The following GRM1 variants were observed in gnomAD, a reference collection of about 807,000 sequenced individuals.
GRM1 encodes the protein glutamate metabotropic receptor 1.
Under a neutral mutation model 90.9 loss-of-function variants are expected in GRM1, and 33 were observed. That is an observed-to-expected ratio of 0.36 (90% CI 0.28 to 0.49). The LOEUF (loss-of-function observed/expected upper bound fraction) is 0.49. Ranked by LOEUF, GRM1 falls within the 20% of genes least tolerant of loss-of-function variation. GRM1 has a pLI of 0.99. For missense variants in GRM1, 1,190 were observed against 1,534.3 expected (o/e 0.78, Z 3.75); for synonymous variants, 700 against 613.2 (o/e 1.14, Z -2.09).
intron 5 of GRM1, among the ~76,000 whole-genome samples, chr6:146,375,618 G>A (rs1018459027): frequency 3.9e-5 from 6 of 151,910 alleles, no homozygotes; most frequent in Admixed American, 3.9e-4. Context: ...ATATTCTCCA[G>A]TTGAATTGAC....
At position 146,266,187 on chromosome 6, in the gene GRM1, T is replaced by TA. The variant is rs561140300; in HGVS notation, c.951-38414dup. On this transcript the variant is annotated intron_variant, in intron 2 of 7. Transcript: ENST00000282753. ...CTGGTGACAGAACAAGACTCTGTCT[T>TA]AAAAAAAAAATACATATTAGAGAGT... is the stretch of plus-strand genomic sequence containing the variant. Among the ~76,000 whole-genome samples, 924 of 149,168 alleles carry TA rather than the reference T, an allele frequency of 6.2e-3. 10 individuals carry two copies. Among genetic ancestry groups the TA allele is most frequent in the African/African-American group, 0.017 (712 of 40,692 alleles).
chr6:146,320,494 A>T (rs1242146175), intron 3 of GRM1, among the ~76,000 whole-genome samples: 1 of 152,118 alleles, frequency 6.6e-6, no homozygotes, highest in Non-Finnish European at 1.5e-5. Context: ...TGAGTTAGGG[A>T]GGAGTCCCTC....
intron 2 of GRM1, among the ~76,000 whole-genome samples, chr6:146,265,440 G>A (rs1781844659): frequency 6.6e-6 from 1 of 152,140 alleles, no homozygotes. Context: ...TTCTTTGTCA[G>A]ATGTATAATA....
chr6:146,124,154 A>T (rs1583035793), intron 1 of GRM1, among the ~76,000 whole-genome samples: 1 of 152,346 alleles, frequency 6.6e-6, no homozygotes, highest in East Asian at 1.9e-4. Context: ...CAGATGAAAA[A>T]ATAAATACTT....
chr6:146,176,493 T>C (rs1416519427), intron 2 of GRM1, among the ~76,000 whole-genome samples: 1 of 152,006 alleles, frequency 6.6e-6, no homozygotes, highest in East Asian at 1.9e-4. Context: ...GACTCAGAGA[T>C]CTTAACATAC....
At chr6:146,261,493 G>GA (rs1346035516) in intron 2 of GRM1, among the ~76,000 whole-genome samples, 4 of 151,706 alleles carry the variant, frequency 2.6e-5, no homozygotes, top group Non-Finnish European at 5.9e-5. Flanking sequence ...TTAACATGGA[G>GA]AAAAAAAATC....
chr6:146,142,691 C>T (rs546141724), intron 1 of GRM1, among the ~76,000 whole-genome samples: 1 of 149,762 alleles, frequency 6.7e-6, no homozygotes, highest in African/African-American at 2.4e-5. Context: ...GGCCTGCAGA[C>T]AGTACTGCGA....
At chr6:146,080,728 T>C (rs1429455160) in intron 1 of GRM1, among the ~76,000 whole-genome samples, 2 of 152,136 alleles carry the variant, frequency 1.3e-5, no homozygotes, top group Admixed American at 6.6e-5. Flanking sequence ...GAAATGCACG[T>C]AGCAAGACTA....
intron 1 of GRM1, among the ~76,000 whole-genome samples, chr6:146,139,487 GGT>G (rs569521117): frequency 7.8e-4 from 119 of 151,892 alleles, no homozygotes; most frequent in African/African-American, 2.8e-3. Flanking sequence ...TATATATCTG[GGT>G]GCTCCAGTGT....
intron 2 of GRM1, among the ~76,000 whole-genome samples, chr6:146,238,705 C>G (rs1031031269): frequency 6.6e-6 from 1 of 152,032 alleles, no homozygotes; most frequent in Admixed American, 6.6e-5. Context: ...AATCCCTTTT[C>G]CACAGTGGTA....
chr6:146,159,850 G>T, intron 2 of GRM1: 1 of 440,220 alleles, frequency 2.3e-6, no homozygotes, highest in South Asian at 2.2e-5. Context: ...AGGAGTTTGA[G>T]GTTACAGTGA....
chr6:146,168,850 A>G (rs1778003941), intron 2 of GRM1, among the ~76,000 whole-genome samples: 1 of 152,104 alleles, frequency 6.6e-6, no homozygotes, highest in Non-Finnish European at 1.5e-5. Flanking sequence ...TCTAATATGT[A>G]TTATCACTGA....
intron 2 of GRM1, among the ~76,000 whole-genome samples, chr6:146,266,786 G>A (rs1781905148): frequency 6.6e-6 from 1 of 152,232 alleles, no homozygotes; most frequent in South Asian, 2.1e-4. Flanking sequence ...TCACCACCTT[G>A]TGTCCATCTT....
At chr6:146,098,305 C>A (rs1463815150) in intron 1 of GRM1, among the ~76,000 whole-genome samples, 1 of 152,068 alleles carries the variant, frequency 6.6e-6, no homozygotes, top group African/African-American at 2.4e-5. Flanking sequence ...GTTGCTTACC[C>A]ATCTCAAAAG....
intron 1 of GRM1, among the ~76,000 whole-genome samples, chr6:146,030,627 A>G (rs771025463): frequency 3.3e-5 from 5 of 152,222 alleles, no homozygotes; most frequent in Non-Finnish European, 5.9e-5. Context: ...GGCAAAAAGA[A>G]GTTACTATTC....
intron 2 of GRM1, 31 bp from the exon 3 acceptor site, chr6:146,304,576 TTCTC>T (rs757753662): frequency 7.2e-7 from 1 of 1,382,658 alleles, no homozygotes; most frequent in South Asian, 1.2e-5. Context: ...ATGTTTGTCT[TTCTC>T]TCTCCCTACC....
chr6:146,228,185 T>C (rs886828333), intron 2 of GRM1, among the ~76,000 whole-genome samples: 7 of 152,186 alleles, frequency 4.6e-5, no homozygotes, highest in Non-Finnish European at 8.8e-5. Flanking sequence ...TTTTGATCAG[T>C]GTTTTAGTCT....
At chr6:146,247,930 A>G (rs1781129957) in intron 2 of GRM1, among the ~76,000 whole-genome samples, 1 of 150,434 alleles carries the variant, frequency 6.6e-6, no homozygotes, top group African/African-American at 2.4e-5. Flanking sequence ...ATATACATAT[A>G]TGATAAAATC....
intron 2 of GRM1, among the ~76,000 whole-genome samples, chr6:146,215,756 A>G (rs1188152058): frequency 1.4e-5 from 2 of 148,008 alleles, no homozygotes; most frequent in African/African-American, 5.1e-5. Flanking sequence ...TGTATCCACA[A>G]ACTTTTTTTT....
Sources: allele counts gnomAD v4.1 joint callset (sites outside exome capture counted in the v4.1 genomes callset), GRCh38; gene constraint gnomAD v4.1.1; transcripts MANE v1.5; gene names NCBI Gene and HGNC (gene_info 2026-07-23, HGNC 2026-07-21).